The following IL1RAPL1 variants were observed in gnomAD, a reference collection of about 807,000 sequenced individuals.
IL1RAPL1 encodes interleukin-1 receptor accessory protein-like 1.
IL1RAPL1 carries 3 observed loss-of-function variants against 48.4 expected under a neutral mutation model. The ratio of observed to expected loss-of-function variants is 0.06; its 90% confidence interval spans 0.03 to 0.16. The LOEUF is 0.16. Among genes scored for constraint, IL1RAPL1 ranks in the 10% least tolerant of loss-of-function variants. The probability of loss-of-function intolerance (pLI) is 1.00; values close to 1 mark genes in which losing one functional copy is unlikely to be tolerated. For missense variants in IL1RAPL1, 349 were observed against 530.6 expected (o/e 0.66, Z 3.36); for synonymous variants, 185 against 187.7 (o/e 0.99, Z 0.12).
intron 5 of IL1RAPL1, among the ~76,000 whole-genome samples, chrX:29,453,250 C>G (rs979724386): frequency 1.5e-4 from 16 of 109,782 alleles, no homozygotes; most frequent in Non-Finnish European, 2.7e-4. Flanking sequence ...TAAGAATATC[C>G]CATTCCTACT....
At chrX:29,403,668 C>T (rs1042114539) in intron 5 of IL1RAPL1, among the ~76,000 whole-genome samples, 1 of 111,774 alleles carries the variant, frequency 8.9e-6, no homozygotes, top group Non-Finnish European at 1.9e-5. Flanking sequence ...TTAAGTTAAA[C>T]ATGAGTTCAT....
chrX:28,645,347 CAAAAAAAAAAAA>C lies in IL1RAPL1; in HGVS notation c.-25+57315_-25+57326del, dbSNP rs35814453. Among the ~76,000 whole-genome samples, 5 of 29,061 alleles carry C rather than the reference CAAAAAAAAAAAA, an allele frequency of 1.7e-4. No individual in the cohort carries two copies. The Admixed American group carries it at 2.8e-3, about 16-fold the overall frequency. 25.2% of individuals were successfully genotyped at this position (29,061 alleles called of 115,157 possible). On this transcript the variant is annotated intron_variant, in intron 1 of 10. Coordinates refer to ENST00000378993, the MANE Select transcript of IL1RAPL1 (RefSeq NM_014271.4). ...GGGCAACAAGAGTGAAATTCCGCCT[CAAAAAAAAAAAA>C]AAAAAAAAAAAAAAGGAAAAGAAAG...
At chrX:29,337,544 T>G (rs1933013197) in intron 3 of IL1RAPL1, among the ~76,000 whole-genome samples, 1 of 111,936 alleles carries the variant, frequency 8.9e-6, no homozygotes, top group Non-Finnish European at 1.9e-5. Flanking sequence ...GAAGTACCTT[T>G]ACCTCAGTTA....
chrX:28,937,674 A>G (rs1924052811), intron 2 of IL1RAPL1, among the ~76,000 whole-genome samples: 1 of 111,113 alleles, frequency 9.0e-6, no homozygotes, highest in Non-Finnish European at 1.9e-5. Context: ...AGTCCCAGCC[A>G]GAGTAATCAG....
intron 2 of IL1RAPL1, among the ~76,000 whole-genome samples, chrX:29,027,650 C>T (rs1477518015): frequency 9.0e-6 from 1 of 111,446 alleles, no homozygotes; most frequent in African/African-American, 3.3e-5. Flanking sequence ...TTTGTATTCC[C>T]ACCAGCAATT....
At chrX:28,685,357 A>C (rs1935098933) in intron 1 of IL1RAPL1, among the ~76,000 whole-genome samples, 1 of 112,513 alleles carries the variant, frequency 8.9e-6, no homozygotes, top group African/African-American at 3.2e-5. Context: ...TGATACTTAC[A>C]TTTGTAAATC....
chrX:29,702,106 C>T (rs1927067506), intron 6 of IL1RAPL1, among the ~76,000 whole-genome samples: 2 of 110,894 alleles, frequency 1.8e-5, no homozygotes, highest in African/African-American at 6.6e-5. Flanking sequence ...AATACAAAAC[C>T]TAGCTGGGCG....
chrX:28,704,652 G>A (rs1935345530), intron 1 of IL1RAPL1, among the ~76,000 whole-genome samples: 1 of 108,490 alleles, frequency 9.2e-6, no homozygotes, highest in Non-Finnish European at 1.9e-5. Context: ...TTATGGTGAT[G>A]TAATGGAGAG....
intron 6 of IL1RAPL1, among the ~76,000 whole-genome samples, chrX:29,899,321 CAAAA>C (rs970594925): frequency 4.5e-5 from 5 of 110,734 alleles, no homozygotes; most frequent in African/African-American, 1.6e-4. Context: ...ACAATAATAA[CAAAA>C]AAATCTACTG....
chrX:29,806,478 G>T (rs1292411506), intron 6 of IL1RAPL1, among the ~76,000 whole-genome samples: 5 of 110,897 alleles, frequency 4.5e-5, no homozygotes, highest in African/African-American at 1.6e-4. Flanking sequence ...TTATTCCTAA[G>T]TGCATCTGAA....
intron 3 of IL1RAPL1, among the ~76,000 whole-genome samples, chrX:29,388,646 A>G (rs757312556): frequency 8.9e-6 from 1 of 112,457 alleles, no homozygotes; most frequent in South Asian, 3.7e-4. Context: ...ATGAACCTTG[A>G]AAACATTATG....
In IL1RAPL1 at chrX:28,618,843, T is replaced by C. The variant is rs186138994; in HGVS notation, c.-25+30796T>C. On this transcript the variant is annotated intron_variant, in intron 1 of 10. Coordinates refer to ENST00000378993, the MANE Select transcript of IL1RAPL1 (RefSeq NM_014271.4). ...GGAGGTGGAGGAGCTCCCATGTTTC[T>C]GAAGATAGTTTGAGATAATATTGTG... Among the ~76,000 whole-genome samples the C allele has an allele frequency of 8.0e-5, 9 of 112,076 alleles. No homozygotes were observed. In the East Asian group the frequency reaches 2.5e-3, roughly 32 times the overall value.
At chrX:29,894,975 C>T (rs1312365468) in intron 6 of IL1RAPL1, among the ~76,000 whole-genome samples, 2 of 109,366 alleles carry the variant, frequency 1.8e-5, no homozygotes, top group Non-Finnish European at 3.8e-5. Flanking sequence ...TACAGGCACC[C>T]ACAATGCCCG....
At chrX:29,295,709 A>G (rs762656280) in intron 3 of IL1RAPL1, among the ~76,000 whole-genome samples, 15 of 111,351 alleles carry the variant, frequency 1.3e-4, no homozygotes, top group Admixed American at 2.9e-4. Context: ...TCTGCCCTCT[A>G]TAGGGTATGG....
At chrX:29,304,966 A>G (rs1384767301) in intron 3 of IL1RAPL1, among the ~76,000 whole-genome samples, 2 of 112,152 alleles carry the variant, frequency 1.8e-5, no homozygotes, top group Non-Finnish European at 3.8e-5. Flanking sequence ...ATTTAATATA[A>G]GAAGTACTTA....
chrX:28,649,915 A>T (rs1354678545), intron 1 of IL1RAPL1, among the ~76,000 whole-genome samples: 3 of 111,909 alleles, frequency 2.7e-5, no homozygotes, highest in Non-Finnish European at 5.6e-5. Flanking sequence ...CTCCAATCTT[A>T]ACCACAAGTT....
intron 5 of IL1RAPL1, among the ~76,000 whole-genome samples, chrX:29,579,030 G>C (rs181385939): frequency 9.0e-6 from 1 of 111,464 alleles, no homozygotes; most frequent in African/African-American, 3.3e-5. Flanking sequence ...GGATGAAGGG[G>C]TTGACTGAGC....
chrX:29,796,313 A>G (rs1028756302), intron 6 of IL1RAPL1, among the ~76,000 whole-genome samples: 3 of 112,332 alleles, frequency 2.7e-5, no homozygotes, highest in Non-Finnish European at 5.6e-5. Flanking sequence ...TCATATGCAT[A>G]CTCTGCTGAA....
intron 2 of IL1RAPL1, among the ~76,000 whole-genome samples, chrX:28,981,876 A>G (rs1220850350): frequency 2.7e-5 from 3 of 110,972 alleles, no homozygotes; most frequent in African/African-American, 9.9e-5. Flanking sequence ...AGCCCTACTT[A>G]TCTCCCTTTA....
Sources: allele counts gnomAD v4.1 joint callset (sites outside exome capture counted in the v4.1 genomes callset), GRCh38; gene constraint gnomAD v4.1.1; transcripts MANE v1.5; gene names NCBI Gene and HGNC (gene_info 2026-07-23, HGNC 2026-07-21).